The following RAD17 variants were observed in gnomAD, a reference collection of about 807,000 sequenced individuals.
RAD17 encodes RAD17 checkpoint clamp loader component.
RAD17 carries 31 observed loss-of-function variants against 81.5 expected under a neutral mutation model. The observed-to-expected ratio is 0.38, with a 90% CI of 0.29 to 0.51. The LOEUF is 0.51. Among genes scored for constraint, RAD17 ranks in the 20% least tolerant of loss-of-function variants. RAD17 has a pLI of 0.88. For synonymous variants in RAD17, 261 were observed against 266.2 expected, an observed-to-expected ratio of 0.98 and a Z score of 0.19; for missense variants, 681 against 781.2, an observed-to-expected ratio of 0.87 and a Z score of 1.53.
chr5:69,402,612 G>A (rs1470487080), intron 17 of RAD17, among the ~76,000 whole-genome samples: 4 of 148,884 alleles, frequency 2.7e-5, no homozygotes, highest in Admixed American at 1.3e-4. Flanking sequence ...CTGAGATCAC[G>A]CCACTGCACT....
At chr5:69,400,857 C>G (rs1394259343) in intron 17 of RAD17, among the ~76,000 whole-genome samples, 1 of 151,014 alleles carries the variant, frequency 6.6e-6, no homozygotes, top group Non-Finnish European at 1.5e-5. Context: ...TCACTTGAAC[C>G]CAGGAGGTGG....
At chr5:69,402,547 C>G (rs1009169261) in intron 17 of RAD17, among the ~76,000 whole-genome samples, 3 of 151,348 alleles carry the variant, frequency 2.0e-5, no homozygotes, top group Non-Finnish European at 4.4e-5. Context: ...CCCAGCTACT[C>G]AGTGGGCTGA....
intron 15 of RAD17, 125 bp downstream of exon 15, chr5:69,393,625 A>T: frequency 1.1e-6 from 1 of 874,996 alleles, no homozygotes; most frequent in Non-Finnish European, 1.7e-6. Flanking sequence ...AACTATGCTA[A>T]AGTTAATGTA....
At chr5:69,393,576 C>G in intron 15 of RAD17, 76 bp downstream of exon 15, 1 of 1,308,466 alleles carries the variant, frequency 7.6e-7, no homozygotes, top group Non-Finnish European at 1.1e-6. Context: ...TACTTTTATC[C>G]CTAATTGCCT....
At chr5:69,386,005 ATAAAACTATAC>A (rs747606914) in intron 8 of RAD17, 27 bp from the exon 9 acceptor site, 4 of 1,469,468 alleles carry the variant, frequency 2.7e-6, no homozygotes, top group Non-Finnish European at 3.6e-6. Context: ...TTGCAATGGA[ATAAAACTATAC>A]TATTATTTAT....
At chr5:69,404,414 C>A (rs575734549) in intron 17 of RAD17, among the ~76,000 whole-genome samples, 1 of 152,162 alleles carries the variant, frequency 6.6e-6, no homozygotes, top group African/African-American at 2.4e-5. Flanking sequence ...GAAAACAACC[C>A]AATTAAAAAA....
chr5:69,369,342 G>T, upstream of RAD17: 1 of 1,086,198 alleles, frequency 9.2e-7, no homozygotes. Context: ...CAACCGCCTC[G>T]TGGCCCTCGG....
At chr5:69,371,200 G>GT (rs376841818) in intron 2 of RAD17, 29 bp downstream of exon 2, 33,105 of 392,692 alleles carry the variant, frequency 0.084, 22 homozygotes, top group South Asian at 0.14. Context: ...TGGTTTTTTT[G>GT]TTTTTTTTTT....
intron 1 of RAD17, chr5:69,370,327 C>T (rs1174185789): frequency 6.6e-6 from 1 of 152,272 alleles, no homozygotes; most frequent in East Asian, 1.9e-4. Flanking sequence ...GAGACCTGAC[C>T]GTGACAACAG....
chr5:69,389,782 A>G (rs1461193508), intron 12 of RAD17, among the ~76,000 whole-genome samples: 1 of 152,140 alleles, frequency 6.6e-6, no homozygotes, highest in Non-Finnish European at 1.5e-5. Context: ...CTGGGACTAC[A>G]GGCAGCTGCC....
chr5:69,405,242 G>A (rs1258442435), intron 17 of RAD17, among the ~76,000 whole-genome samples: 2 of 152,038 alleles, frequency 1.3e-5, no homozygotes, highest in Non-Finnish European at 2.9e-5. Context: ...AGTGGCTCAC[G>A]CCTGTAATCC....
intron 17 of RAD17, among the ~76,000 whole-genome samples, chr5:69,401,133 C>T (rs61673398): frequency 5.9e-5 from 9 of 151,848 alleles, no homozygotes; most frequent in African/African-American, 1.2e-4. Flanking sequence ...CCTTCAACCC[C>T]GGAGGCGGAG....
Position 69,402,511 on chromosome 5 carries a change from C to T in RAD17, c.1693+2342C>T, listed in dbSNP as rs541553679. Among the ~76,000 whole-genome samples the T allele has an allele frequency of 6.6e-5, 10 of 151,978 alleles. No homozygotes were observed. In the South Asian group the frequency reaches 1.5e-3, roughly 22 times the overall value. On this transcript the variant is annotated intron_variant, in intron 17 of 18. Coordinates refer to ENST00000354868, the MANE Select transcript of RAD17 (RefSeq NM_133338.3). ...TCTACTAAAAATATAAAAAATCAGC[C>T]GGGCACGGTGGCAGGTGCCTGTAGT... is the stretch of plus-strand genomic sequence containing the variant.
rs2150904993 is a variant in RAD17, at chr5:69,414,638, T to C, written c.*346T>C. 1 of 329,282 alleles carries C rather than the reference T, an allele frequency of 3.0e-6. No individual in the cohort carries two copies. The highest frequency in any genetic ancestry group is 5.6e-6 in the Non-Finnish European group (1 of 178,224). 20.4% of individuals were successfully genotyped at this position (329,282 alleles called of 1,614,324 possible). The stretch of plus-strand genomic sequence containing the variant: ...TTGGGGGGTTGTAAATATCAACTAT[T>C]CAACAGTTTAGGATGCAATTACGAG... On this transcript the variant is annotated 3_prime_UTR_variant, in exon 19 of 19. Transcript: ENST00000354868.
At chr5:69,376,291 C>T (rs1236076525) in intron 6 of RAD17, among the ~76,000 whole-genome samples, 2 of 152,178 alleles carry the variant, frequency 1.3e-5, no homozygotes, top group South Asian at 2.1e-4. Flanking sequence ...GTTTTTCAAT[C>T]CTTGCCTGAA....
chr5:69,400,793 G>A (rs1272438045), intron 17 of RAD17, among the ~76,000 whole-genome samples: 1 of 152,054 alleles, frequency 6.6e-6, no homozygotes, highest in African/African-American at 2.4e-5. Flanking sequence ...AATTAGCCAG[G>A]TGTGGTGGCA....
chr5:69,400,494 G>A (rs1259586437), intron 17 of RAD17, among the ~76,000 whole-genome samples: 2 of 152,092 alleles, frequency 1.3e-5, no homozygotes, highest in African/African-American at 4.8e-5. Flanking sequence ...GGGATTACAG[G>A]TGTGAGCCAC....
rs1468906016 is a variant in RAD17, at chr5:69,414,096, C to T, written c.1817C>T (p.Ala606Val). The T allele has an allele frequency of 6.2e-7, 1 of 1,614,204 alleles. No homozygotes were observed. The highest frequency in any genetic ancestry group is 2.2e-5 in the East Asian group (1 of 44,886). Residue 606 changes from alanine (A) to valine (V), a missense_variant, in exon 19 of 19, where the codon GCC becomes GTC. By Grantham distance (64) the Ala-to-Val change is moderately conservative (BLOSUM62 0). Coordinates refer to ENST00000354868, the MANE Select transcript of RAD17 (RefSeq NM_133338.3). Reference sequence around the variant, plus strand: ...ATAGACCCTGACAGCGGAGATGAAGCCCAGCTTAATGGAGGACATTCTGCA... The same window carrying T: ...ATAGACCCTGACAGCGGAGATGAAGTCCAGCTTAATGGAGGACATTCTGCA... The part of the protein sequence containing the change: ...GMIDPDSGDE[A>V]QLNGGHSAEE...
intron 6 of RAD17, among the ~76,000 whole-genome samples, chr5:69,377,612 TAC>T (rs1396106074): frequency 1.8e-4 from 4 of 22,432 alleles, no homozygotes; most frequent in Non-Finnish European, 2.8e-4. Flanking sequence ...TATATATGTA[TAC>T]ATATATATGC....
Sources: allele counts gnomAD v4.1 joint callset (sites outside exome capture counted in the v4.1 genomes callset), GRCh38; gene constraint gnomAD v4.1.1; transcripts MANE v1.5; gene names NCBI Gene and HGNC (gene_info 2026-07-23, HGNC 2026-07-21).